DYM: variants seen among roughly 807,000 people sequenced by gnomAD.
DYM encodes dymeclin, also known as dyggve-Melchior-Clausen syndrome protein.
In DYM, 78 loss-of-function variants were observed where a neutral mutation model predicts 93.1. That is an observed-to-expected ratio of 0.84 (90% CI 0.70 to 1.01). The LOEUF (loss-of-function observed/expected upper bound fraction) is 1.01. DYM is among the 50% of genes least tolerant of loss of function. The pLI, the probability that DYM is intolerant of heterozygous loss-of-function variation, is 0.00. For synonymous variants in DYM, 321 were observed against 319.7 expected (o/e 1.00, Z -0.04); for missense variants, 789 against 845.0 (o/e 0.93, Z 0.82).
chr18:49,110,895 G>A (rs1308621499), intron 16 of DYM, among the ~76,000 whole-genome samples: 1 of 151,414 alleles, frequency 6.6e-6, no homozygotes, highest in Non-Finnish European at 1.5e-5. Context: ...TTTTTCACAT[G>A]TTTTTCTTAT....
At chr18:49,128,000 A>G (rs981269190) in intron 15 of DYM, among the ~76,000 whole-genome samples, 1 of 152,242 alleles carries the variant, frequency 6.6e-6, no homozygotes, top group Non-Finnish European at 1.5e-5. Context: ...TGTGACCCAC[A>G]AGCCTCAACC....
In DYM at chr18:49,282,897, A is replaced by C. The variant is rs577766562; in HGVS notation, c.947-722T>G. Reference sequence around the variant, plus strand: ...TACACAAAATAGAAAATTCTCTTTTAAGATAGAATTAAAAAGAAAAAAACT... The same window carrying C: ...TACACAAAATAGAAAATTCTCTTTTCAGATAGAATTAAAAAGAAAAAAACT... On this transcript the variant is annotated intron_variant, in intron 9 of 17. Transcript: ENST00000675505. 3.0e-3 allele frequency among the ~76,000 whole-genome samples: 460 copies of C among 152,328 alleles called. 1 individual carries two copies. The highest frequency in any genetic ancestry group is 4.3e-3 in the Non-Finnish European group (293 of 68,034).
intron 15 of DYM, among the ~76,000 whole-genome samples, chr18:49,124,247 G>A (rs2082624658): frequency 6.6e-6 from 1 of 152,130 alleles, no homozygotes; most frequent in African/African-American, 2.4e-5. Context: ...GCTCACATCT[G>A]TAATTCTAGC....
At chr18:49,319,621 C>T (rs1405604960) in intron 8 of DYM, among the ~76,000 whole-genome samples, 1 of 152,126 alleles carries the variant, frequency 6.6e-6, no homozygotes, top group East Asian at 1.9e-4. Flanking sequence ...TTAAATGTGA[C>T]AAAAGCCCAC....
At position 49,215,488 on chromosome 18, in the gene DYM, C is replaced by G. The variant is rs1055720332; in HGVS notation, c.1461-5773G>C. Reference sequence around the variant, plus strand: ...TTTACAGACATAGACAATATATCCCCTTATTGCCATCCAGATCCAGGATAA... The same window carrying G: ...TTTACAGACATAGACAATATATCCCGTTATTGCCATCCAGATCCAGGATAA... On this transcript the variant is annotated intron_variant, in intron 13 of 17. Coordinates refer to ENST00000675505, the MANE Select transcript of DYM (RefSeq NM_001353214.3). Among the ~76,000 whole-genome samples the G allele has an allele frequency of 3.9e-5, 6 of 152,252 alleles. No homozygotes were observed. The East Asian group carries it at 5.8e-4, about 15-fold the overall frequency.
intron 2 of DYM, among the ~76,000 whole-genome samples, chr18:49,409,560 T>C (rs1196004350): frequency 6.6e-6 from 1 of 152,188 alleles, no homozygotes; most frequent in Non-Finnish European, 1.5e-5. Flanking sequence ...TTAAAGCATG[T>C]ATCCCTTCAT....
chr18:49,308,452 T>C (rs2061398372), intron 8 of DYM, among the ~76,000 whole-genome samples: 1 of 152,164 alleles, frequency 6.6e-6, no homozygotes, highest in Non-Finnish European at 1.5e-5. Context: ...AGACAGATGG[T>C]ATCATGAAAA....
intron 16 of DYM, among the ~76,000 whole-genome samples, chr18:49,108,154 A>G (rs937606347): frequency 6.6e-6 from 1 of 152,126 alleles, no homozygotes; most frequent in Non-Finnish European, 1.5e-5. Context: ...TTGATCTCAG[A>G]CTACTGTGCT....
At chr18:49,386,567 C>A (rs1005284085) in intron 3 of DYM, among the ~76,000 whole-genome samples, 4 of 152,128 alleles carry the variant, frequency 2.6e-5, no homozygotes, top group Admixed American at 2.6e-4. Flanking sequence ...AAATACCCTA[C>A]TAATACTCCC....
At chr18:49,167,256 G>A (rs1310966562) in intron 14 of DYM, among the ~76,000 whole-genome samples, 1 of 152,098 alleles carries the variant, frequency 6.6e-6, no homozygotes, top group Non-Finnish European at 1.5e-5. Flanking sequence ...ACCAAACAAG[G>A]AAGTGAGCTT....
At chr18:49,389,672 A>C (rs2068999045) in intron 3 of DYM, among the ~76,000 whole-genome samples, 1 of 151,728 alleles carries the variant, frequency 6.6e-6, no homozygotes, top group South Asian at 2.1e-4. Flanking sequence ...AAGTTTTTTC[A>C]ATTTTTTTGC....
intron 1 of DYM, among the ~76,000 whole-genome samples, chr18:49,450,732 G>A (rs2082456822): frequency 6.6e-6 from 1 of 152,172 alleles, no homozygotes; most frequent in Non-Finnish European, 1.5e-5. Context: ...TTCCAAAATT[G>A]TATGGGATTT....
At chr18:49,455,202 C>G (rs2082878542) in intron 1 of DYM, among the ~76,000 whole-genome samples, 1 of 152,326 alleles carries the variant, frequency 6.6e-6, no homozygotes, top group Admixed American at 6.5e-5. Context: ...TACCCCTATA[C>G]ACTTACAATC....
intron 5 of DYM, among the ~76,000 whole-genome samples, 200 bp downstream of exon 5, chr18:49,378,367 C>T (rs1044698152): frequency 1.3e-5 from 2 of 151,538 alleles, no homozygotes; most frequent in Non-Finnish European, 2.9e-5. Flanking sequence ...TTATTTAAAA[C>T]GAAAAACAAA....
intron 15 of DYM, among the ~76,000 whole-genome samples, chr18:49,128,878 T>A (rs2083097653): frequency 6.6e-6 from 1 of 152,142 alleles, no homozygotes; most frequent in African/African-American, 2.4e-5. Flanking sequence ...AGTTTCAAAA[T>A]AATCATTCTC....
chr18:49,223,289 G>A (rs529058465), intron 13 of DYM, among the ~76,000 whole-genome samples: 23 of 152,188 alleles, frequency 1.5e-4, no homozygotes, highest in Non-Finnish European at 2.9e-4. Context: ...TTAAACTTAG[G>A]TCGGGTAGCA....
intron 13 of DYM, among the ~76,000 whole-genome samples, chr18:49,224,307 A>G (rs1226121501): frequency 1.3e-5 from 2 of 152,082 alleles, no homozygotes; most frequent in East Asian, 1.9e-4. Flanking sequence ...AACCCAAAAG[A>G]TGACATTAGT....
At chr18:49,281,692 C>T (rs2094982396) in intron 10 of DYM, among the ~76,000 whole-genome samples, 1 of 152,136 alleles carries the variant, frequency 6.6e-6, no homozygotes, top group African/African-American at 2.4e-5. Context: ...TCTCAGCGAA[C>T]TATCCCAAGG....
At chr18:49,124,727 C>T (rs2082663442) in intron 15 of DYM, among the ~76,000 whole-genome samples, 1 of 152,098 alleles carries the variant, frequency 6.6e-6, no homozygotes, top group Admixed American at 6.6e-5. Context: ...AATTAAATGA[C>T]AAGAACATAT....
Sources: allele counts gnomAD v4.1 joint callset (sites outside exome capture counted in the v4.1 genomes callset), GRCh38; gene constraint gnomAD v4.1.1; transcripts MANE v1.5; gene names NCBI Gene and HGNC (gene_info 2026-07-23, HGNC 2026-07-21).